SLFN5: variants seen among roughly 807,000 people sequenced by gnomAD.
SLFN5 encodes the protein schlafen family member 5.
In SLFN5, 34 loss-of-function variants were observed where a neutral mutation model predicts 48.5. That is an observed-to-expected ratio of 0.70 (90% CI 0.53 to 0.93). SLFN5 has a LOEUF of 0.93. Among genes scored for constraint, SLFN5 ranks in the 40% least tolerant of loss-of-function variants. The pLI, the probability that SLFN5 is intolerant of heterozygous loss-of-function variation, is 0.00. For missense variants in SLFN5, 1,006 were observed against 1,071.3 expected (o/e 0.94, Z 0.85); for synonymous variants, 387 against 396.2 (o/e 0.98, Z 0.28).
At position 35,259,431 on chromosome 17, in the gene SLFN5, C is replaced by A. The variant is rs1168344279; in HGVS notation, c.741C>A (p.Asp247Glu). 1.2e-6 allele frequency: 2 copies of A among 1,614,120 alleles called. No individual in the cohort carries two copies. Among genetic ancestry groups the A allele is most frequent in the Non-Finnish European group, 1.7e-6 (2 of 1,180,028 alleles). ...QVIGCEKEKI[D>E]LTSLRASIDG... is the part of the protein sequence containing the mutation. The stretch of plus-strand genomic sequence containing the variant: ...TTGGATGTGAAAAAGAGAAAATAGA[C>A]CTTACGAGCTTGAGGGCTTCTATTG... Residue 247 changes from aspartate (D) to glutamate (E), a missense_variant, in exon 2 of 5, where the codon GAC becomes GAA. By Grantham distance (45) the Asp-to-Glu change is conservative (BLOSUM62 2). Transcript: ENST00000299977.
At chr17:35,245,658 C>G (rs1470157917) in intron 1 of SLFN5, among the ~76,000 whole-genome samples, 2 of 152,004 alleles carry the variant, frequency 1.3e-5, no homozygotes, top group Non-Finnish European at 2.9e-5. Flanking sequence ...TTGTGGGTAC[C>G]AATAGTTCTT....
chr17:35,265,833 T>C lies in SLFN5; in HGVS notation c.2621T>C (p.Leu874Pro), dbSNP rs566776626. 7.0e-5 allele frequency: 113 copies of C among 1,613,618 alleles called. 1 individual carries two copies. The South Asian group carries it at 1.2e-3, about 17-fold the overall frequency. ...CCGGCTGGGGCCTACAATCTTCTGC[T>C]CTGTTTGGCTTCTAGGGCAAAAAGA... The part of the protein sequence containing the change: ...APPAGAYNLL[L>P]CLASRAKRHL... The change falls in exon 5 of 5, where the codon CTC becomes CCC. Residue 874 changes from leucine (L) to proline (P), a missense_variant. Transcript: ENST00000299977.
At chr17:35,252,866 G>A (rs1385354979) in intron 1 of SLFN5, among the ~76,000 whole-genome samples, 4 of 151,966 alleles carry the variant, frequency 2.6e-5, no homozygotes, top group Admixed American at 2.0e-4. Context: ...ACTTCTGCTT[G>A]CCAGGAGCCT....
rs114642948 is a variant in SLFN5, at chr17:35,270,422, C to G, written c.*4534C>G. On this transcript the variant is annotated 3_prime_UTR_variant, in exon 5 of 5. Coordinates refer to ENST00000299977, the MANE Select transcript of SLFN5 (RefSeq NM_144975.4). ...CCTCACAACCAAGAAAAGCGCCTCT[C>G]CATGAACTAAAACCTATGAGTCATT... 6.6e-6 allele frequency: 1 copy of G among 152,232 alleles called. No homozygotes were observed. The highest frequency in any genetic ancestry group is 1.5e-5 in the Non-Finnish European group (1 of 68,062). 9.4% of individuals were successfully genotyped at this position (152,232 alleles called of 1,614,324 possible).
chr17:35,258,047 A>T (rs754507493), intron 1 of SLFN5, among the ~76,000 whole-genome samples: 17 of 152,344 alleles, frequency 1.1e-4, no homozygotes, highest in Admixed American at 9.8e-4. Flanking sequence ...AACTTGGCAG[A>T]TAGTTACTAA....
intron 1 of SLFN5, among the ~76,000 whole-genome samples, chr17:35,247,035 T>C (rs951932083): frequency 1.5e-4 from 20 of 132,032 alleles, no homozygotes; most frequent in African/African-American, 5.3e-4. Context: ...CCAGAACTGC[T>C]GCAGTAACCA....
At position 35,266,181 on chromosome 17, in the gene SLFN5, C is replaced by CGCGCGT. The variant is rs1904689172; in HGVS notation, c.*298_*299insTGCGCG. Reference sequence around the variant, plus strand: ...GTGTGTGTGTGTGTGTGTGTGTGCGCGCGCGCACGTGCACATGTGTGTAGG... The same window carrying CGCGCGT: ...GTGTGTGTGTGTGTGTGTGTGTGCGCGCGCGTGCGCGCACGTGCACATGTGTGTAGG... On this transcript the variant is annotated 3_prime_UTR_variant, in exon 5 of 5. Transcript: ENST00000299977. The CGCGCGT allele has an allele frequency of 1.9e-5, 3 of 157,612 alleles. No individual in the cohort carries two copies. Among genetic ancestry groups the CGCGCGT allele is most frequent in the Non-Finnish European group, 4.0e-5 (3 of 74,898 alleles). 9.8% of individuals were successfully genotyped at this position (157,612 alleles called of 1,614,324 possible).
In SLFN5 at chr17:35,270,218, G is replaced by A. The variant is rs971262322; in HGVS notation, c.*4330G>A. On this transcript the variant is annotated 3_prime_UTR_variant, in exon 5 of 5. Transcript: ENST00000299977. ...TTAACCTTGAATATTTCTAGTTGAT[G>A]AGTTTATGAGTGATTTATTGCTTCC... The A allele has an allele frequency of 6.6e-6, 1 of 152,100 alleles. No homozygotes were observed. Among genetic ancestry groups the A allele is most frequent in the African/African-American group, 2.4e-5 (1 of 41,426 alleles). The allele number at this position is 152,100 out of a possible 1,614,324, so 9.4% of individuals were successfully genotyped here.
At position 35,265,855 on chromosome 17, in the gene SLFN5, A is replaced by C; in HGVS notation, c.2643A>C (p.Lys881Asn). Residue 881 changes from lysine (K) to asparagine (N), a missense_variant, in exon 5 of 5, where the codon AAA becomes AAC. Transcript: ENST00000299977. ...NLLLCLASRA[K>N]RHLYILKASV ...TGCTCTGTTTGGCTTCTAGGGCAAAAAGACATCTGTATATTCTGAAGGCTT... is the reference window on the plus strand; with the variant it reads ...TGCTCTGTTTGGCTTCTAGGGCAAACAGACATCTGTATATTCTGAAGGCTT... 1 of 1,612,034 alleles carries C rather than the reference A, an allele frequency of 6.2e-7. No homozygotes were observed. The highest frequency in any genetic ancestry group is 8.5e-7 in the Non-Finnish European group (1 of 1,179,168).
At position 35,269,552 on chromosome 17, in the gene SLFN5, C is replaced by T. The variant is rs1334197866; in HGVS notation, c.*3664C>T. On this transcript the variant is annotated 3_prime_UTR_variant, in exon 5 of 5. Transcript: ENST00000299977. ...GGACCTGATAGAATAAAATGACAAG[C>T]TGACCAAATAGGCCTTAGAAGGGAG... The T allele has an allele frequency of 6.6e-6, 1 of 152,120 alleles. No individual in the cohort carries two copies. Among genetic ancestry groups the T allele is most frequent in the Non-Finnish European group, 1.5e-5 (1 of 68,026 alleles). 9.4% of individuals were successfully genotyped at this position (152,120 alleles called of 1,614,324 possible).
intron 3 of SLFN5, 99 bp downstream of exon 3, chr17:35,261,195 G>A (rs1904511687): frequency 7.3e-7 from 1 of 1,363,956 alleles, no homozygotes; most frequent in Admixed American, 2.5e-5. Context: ...AATTCCAGAG[G>A]TTTAAGGACT....
chr17:35,254,741 G>A (rs150949981), intron 1 of SLFN5, among the ~76,000 whole-genome samples: 250 of 152,334 alleles, frequency 1.6e-3, no homozygotes, highest in African/African-American at 5.9e-3. Context: ...TTTCGGCCGG[G>A]CGTGGTGGCT....
Position 35,266,143 on chromosome 17 carries a change from TG to T in SLFN5, c.*256del, listed in dbSNP as rs1904681125. 1.3e-5 allele frequency: 1 copy of T among 78,296 alleles called. No individual in the cohort carries two copies. Among genetic ancestry groups the T allele is most frequent in the Non-Finnish European group, 2.3e-5 (1 of 42,688 alleles). The allele number at this position is 78,296 out of a possible 1,614,324, so 4.9% of individuals were successfully genotyped here. A position where few individuals can be genotyped will look rare whatever the true frequency, so the allele number is the denominator to read the frequency against. Reference sequence around the variant, plus strand: ...ATTAGAGGACCGTGAGACTCAGAGATGTGTGTGTGTGTGTGTGTGTGTGTGT... The same window carrying T: ...ATTAGAGGACCGTGAGACTCAGAGATTGTGTGTGTGTGTGTGTGTGTGTGT... On this transcript the variant is annotated 3_prime_UTR_variant, in exon 5 of 5. Transcript: ENST00000299977.
chr17:35,262,634 G>T (rs1325249455), intron 3 of SLFN5, among the ~76,000 whole-genome samples: 1 of 152,056 alleles, frequency 6.6e-6, no homozygotes, highest in African/African-American at 2.4e-5. Flanking sequence ...AGACCGAGGT[G>T]GGAGGATCAC....
chr17:35,262,515 T>C (rs1904550511), intron 3 of SLFN5, among the ~76,000 whole-genome samples: 1 of 152,152 alleles, frequency 6.6e-6, no homozygotes, highest in African/African-American at 2.4e-5. Context: ...AACATGGTAT[T>C]ATCACGGCAT....
chr17:35,250,120 A>C (rs960598226), intron 1 of SLFN5, among the ~76,000 whole-genome samples: 1 of 152,350 alleles, frequency 6.6e-6, no homozygotes. Flanking sequence ...AGACTTCAGA[A>C]CCATCAACAA....
At chr17:35,263,222 C>T (rs1446943646) in intron 3 of SLFN5, among the ~76,000 whole-genome samples, 1 of 152,102 alleles carries the variant, frequency 6.6e-6, no homozygotes, top group Non-Finnish European at 1.5e-5. Context: ...CCTCCGCCTC[C>T]TGGGTTTAAG....
chr17:35,273,500 A>G lies in SLFN5; in HGVS notation c.*7612A>G, dbSNP rs1277637849. ...CCTGGGATAAACCCCTCATGATCAT[A>G]ATGAATAATGATGTGTGGAGAGTGG... On this transcript the variant is annotated 3_prime_UTR_variant, in exon 5 of 5. Transcript: ENST00000299977. 6.6e-6 allele frequency: 1 copy of G among 152,228 alleles called. No individual in the cohort carries two copies. Among genetic ancestry groups the G allele is most frequent in the Non-Finnish European group, 1.5e-5 (1 of 68,042 alleles). The allele number at this position is 152,228 out of a possible 1,614,324, so 9.4% of individuals were successfully genotyped here.
At chr17:35,262,920 A>G (rs1208655864) in intron 3 of SLFN5, among the ~76,000 whole-genome samples, 1 of 152,042 alleles carries the variant, frequency 6.6e-6, no homozygotes, top group East Asian at 1.9e-4. Flanking sequence ...CCAAATCCCT[A>G]ACCTCTAGCA....
Sources: allele counts gnomAD v4.1 joint callset (sites outside exome capture counted in the v4.1 genomes callset), GRCh38; gene constraint gnomAD v4.1.1; transcripts MANE v1.5; gene names NCBI Gene and HGNC (gene_info 2026-07-23, HGNC 2026-07-21).